Variants in SYN3 observed in about 807,000 individuals in gnomAD.
SYN3 encodes the protein synapsin III.
In SYN3, 35 loss-of-function variants were observed where a neutral mutation model predicts 65.8. The ratio of observed to expected loss-of-function variants is 0.53; its 90% CI spans 0.41 to 0.70. The LOEUF (loss-of-function observed/expected upper bound fraction) is 0.70. SYN3 is among the 30% of genes least tolerant of loss of function. SYN3 has a pLI of 0.00. For synonymous variants in SYN3, 270 were observed against 292.9 expected (o/e 0.92, Z 0.80); for missense variants, 680 against 749.0 (o/e 0.91, Z 1.08).
In SYN3 at chr22:32,538,100, TGGAG is replaced by T; in HGVS notation, c.924_927del (p.Ile310LeufsTer18). 6.2e-7 allele frequency: 1 copy of T among 1,614,194 alleles called. No homozygotes were observed. Among genetic ancestry groups the T allele is most frequent in the Non-Finnish European group, 8.5e-7 (1 of 1,180,034 alleles). On this transcript the variant is annotated frameshift_variant, in exon 9 of 14. Coordinates refer to ENST00000358763, the MANE Select transcript of SYN3 (RefSeq NM_003490.4). LOFTEE classifies it high-confidence loss of function. ...GTGTTGGCCTTCCAGTTCCCAGAGA[TGGAG>T]GTTCTCCTGTACCAGAACAAACAAC...
intron 6 of SYN3, among the ~76,000 whole-genome samples, chr22:32,703,581 G>C (rs1225354334): frequency 6.6e-6 from 1 of 151,500 alleles, no homozygotes; most frequent in South Asian, 2.1e-4. Context: ...AGCTTGCAGT[G>C]AGCCAAGATC....
intron 6 of SYN3, chr22:32,833,841 AG>A (rs1297796865): frequency 1.6e-5 from 8 of 501,910 alleles, no homozygotes; most frequent in South Asian, 5.7e-5. Context: ...GAAAGCATTT[AG>A]CACTGATCAT....
chr22:32,555,943 T>C (rs2058489167), intron 7 of SYN3, among the ~76,000 whole-genome samples: 1 of 152,178 alleles, frequency 6.6e-6, no homozygotes. Context: ...AAGTACAAGT[T>C]CTGTGTGACG....
At chr22:33,014,050 G>A (rs889844765) in intron 1 of SYN3, among the ~76,000 whole-genome samples, 2 of 145,838 alleles carry the variant, frequency 1.4e-5, no homozygotes, top group Admixed American at 1.4e-4. Context: ...GACTACAGAC[G>A]TGTACTAAGA....
At chr22:33,051,951 C>T (rs1404314533) in intron 1 of SYN3, among the ~76,000 whole-genome samples, 1 of 152,152 alleles carries the variant, frequency 6.6e-6, no homozygotes, top group Non-Finnish European at 1.5e-5. Flanking sequence ...GAAAGCTACA[C>T]CAAGAACACG....
At chr22:32,873,187 G>A (rs950267137) in intron 4 of SYN3, among the ~76,000 whole-genome samples, 2 of 152,106 alleles carry the variant, frequency 1.3e-5, no homozygotes, top group African/African-American at 4.8e-5. Flanking sequence ...CTGACCTCAG[G>A]TGATCTGCCC....
chr22:32,915,114 G>A (rs978192987), intron 4 of SYN3, among the ~76,000 whole-genome samples: 24 of 152,142 alleles, frequency 1.6e-4, no homozygotes, highest in Admixed American at 1.4e-3. Flanking sequence ...ACACGCTGAG[G>A]CCTGCTGCAG....
At position 32,997,094 on chromosome 22, in the gene SYN3, G is replaced by A. The variant is rs561158220; in HGVS notation, c.311+9258C>T. On this transcript the variant is annotated intron_variant, in intron 2 of 13. Transcript: ENST00000358763. ...GGTTGGGGAGTGGCATAAGAACTGC[G>A]GTGCCCAGGCTAGCCCTTTGGATGG... Among the ~76,000 whole-genome samples, 9 of 152,306 alleles carry A rather than the reference G, an allele frequency of 5.9e-5. No individual in the cohort carries two copies. The South Asian group carries it at 8.3e-4, about 14-fold the overall frequency.
At chr22:33,051,049 A>C (rs1258020554) in intron 1 of SYN3, among the ~76,000 whole-genome samples, 1 of 152,176 alleles carries the variant, frequency 6.6e-6, no homozygotes, top group African/African-American at 2.4e-5. Flanking sequence ...CCAGACCTAG[A>C]AGGGCTGCAA....
chr22:32,738,596 C>T (rs1050380413), intron 6 of SYN3, among the ~76,000 whole-genome samples: 1 of 152,174 alleles, frequency 6.6e-6, no homozygotes, highest in South Asian at 2.1e-4. Flanking sequence ...TCCTGGGCTC[C>T]CACTTGAAGT....
At chr22:32,680,539 C>T (rs1251580607) in intron 6 of SYN3, among the ~76,000 whole-genome samples, 2 of 152,166 alleles carry the variant, frequency 1.3e-5, no homozygotes, top group Non-Finnish European at 2.9e-5. Flanking sequence ...ACTCTCACAC[C>T]GTTGCTTGCA....
chr22:32,729,073 C>A (rs964478898), intron 6 of SYN3, among the ~76,000 whole-genome samples: 4 of 152,130 alleles, frequency 2.6e-5, no homozygotes, highest in Admixed American at 6.5e-5. Context: ...TATTTATTTT[C>A]TTTTTAGTTC....
intron 6 of SYN3, among the ~76,000 whole-genome samples, chr22:32,611,727 A>T (rs946626143): frequency 6.6e-6 from 1 of 152,192 alleles, no homozygotes; most frequent in African/African-American, 2.4e-5. Context: ...GTGACGTGAT[A>T]AGAAACATGC....
intron 7 of SYN3, among the ~76,000 whole-genome samples, chr22:32,544,782 G>A (rs772621093): frequency 7.9e-5 from 12 of 152,208 alleles, no homozygotes; most frequent in Non-Finnish European, 1.6e-4. Flanking sequence ...CGTTTGCAGG[G>A]ACGGCTTGTT....
chr22:32,746,143 A>G (rs1339899104), intron 6 of SYN3, among the ~76,000 whole-genome samples: 1 of 152,230 alleles, frequency 6.6e-6, no homozygotes, highest in Non-Finnish European at 1.5e-5. Flanking sequence ...AGTTGCTATG[A>G]GGACTGAGCG....
intron 1 of SYN3, among the ~76,000 whole-genome samples, chr22:33,039,117 G>C (rs552071150): frequency 4.4e-4 from 67 of 152,208 alleles, no homozygotes; most frequent in Admixed American, 7.2e-4. Context: ...TGTGCACCAG[G>C]CTCCTGGCAA....
At chr22:33,008,501 G>C (rs2053255329) in intron 1 of SYN3, among the ~76,000 whole-genome samples, 1 of 152,088 alleles carries the variant, frequency 6.6e-6, no homozygotes, top group African/African-American at 2.4e-5. Flanking sequence ...GTTAATAACT[G>C]CTTCCCTCAA....
chr22:32,637,158 C>A (rs1290378545), intron 6 of SYN3, among the ~76,000 whole-genome samples: 1 of 152,208 alleles, frequency 6.6e-6, no homozygotes, highest in Non-Finnish European at 1.5e-5. Flanking sequence ...AATTCTAAAT[C>A]TTACCAGAGG....
At chr22:32,864,737 A>T in intron 6 of SYN3, 178 bp downstream of exon 6, 1 of 575,310 alleles carries the variant, frequency 1.7e-6, no homozygotes, top group Non-Finnish European at 3.1e-6. Flanking sequence ...TCACCTGGAG[A>T]GACGACTTCC....
Sources: allele counts gnomAD v4.1 joint callset (sites outside exome capture counted in the v4.1 genomes callset), GRCh38; gene constraint gnomAD v4.1.1; transcripts MANE v1.5; gene names NCBI Gene and HGNC (gene_info 2026-07-23, HGNC 2026-07-21).